PCSK5: variants seen among roughly 807,000 people sequenced by gnomAD.
The protein encoded by PCSK5 is proprotein convertase subtilisin/kexin type 5.
PCSK5 carries 129 observed loss-of-function variants against 233.2 expected under a neutral mutation model. The observed-to-expected ratio is 0.55, with a 90% CI of 0.48 to 0.64. The LOEUF (loss-of-function observed/expected upper bound fraction) is 0.64, where lower values mean the gene tolerates loss of function less well. PCSK5 is among the 30% of genes least tolerant of loss of function. The pLI is 0.00. For synonymous variants in PCSK5, 825 were observed against 879.2 expected (o/e 0.94, Z 1.09); for missense variants, 2,076 against 2,430.1 (o/e 0.85, Z 3.06).
intron 2 of PCSK5, among the ~76,000 whole-genome samples, chr9:75,964,627 G>A (rs529226194): frequency 6.7e-4 from 102 of 152,304 alleles, no homozygotes; most frequent in Middle Eastern, 3.4e-3. Flanking sequence ...ATGGTTACTA[G>A]GTGTGTGCAT....
intron 10 of PCSK5, among the ~76,000 whole-genome samples, chr9:76,155,082 A>C (rs1370780256): frequency 6.6e-6 from 1 of 152,228 alleles, no homozygotes; most frequent in African/African-American, 2.4e-5. Flanking sequence ...TAAAAATTGC[A>C]GAAGTACCTG....
chr9:75,925,622 C>G (rs1331547987), intron 1 of PCSK5, among the ~76,000 whole-genome samples: 1 of 152,124 alleles, frequency 6.6e-6, no homozygotes, highest in Non-Finnish European at 1.5e-5. Context: ...AGAAAGCCTC[C>G]CTAAGAAGGT....
chr9:75,924,891 G>A (rs893379290), intron 1 of PCSK5, among the ~76,000 whole-genome samples: 17 of 152,092 alleles, frequency 1.1e-4, no homozygotes, highest in Non-Finnish European at 2.9e-5. Context: ...TCCTTTAACT[G>A]TGTGGCCCCG....
intron 10 of PCSK5, among the ~76,000 whole-genome samples, chr9:76,150,033 T>C (rs1314404935): frequency 6.6e-6 from 1 of 152,204 alleles, no homozygotes; most frequent in African/African-American, 2.4e-5. Context: ...ATAAATTGTG[T>C]GTGTATATAT....
intron 32 of PCSK5, among the ~76,000 whole-genome samples, chr9:76,325,847 G>C (rs993004687): frequency 6.6e-6 from 1 of 152,150 alleles, no homozygotes; most frequent in African/African-American, 2.4e-5. Flanking sequence ...ATATTGGTCA[G>C]GGTGGTCTCG....
intron 5 of PCSK5, among the ~76,000 whole-genome samples, chr9:76,027,438 G>T (rs1022476199): frequency 1.3e-5 from 2 of 151,992 alleles, no homozygotes; most frequent in Non-Finnish European, 2.9e-5. Context: ...GTCCCTACCT[G>T]AGCATTTCTT....
chr9:76,297,813 C>A (rs1828489169), intron 27 of PCSK5, among the ~76,000 whole-genome samples: 1 of 152,104 alleles, frequency 6.6e-6, no homozygotes, highest in African/African-American at 2.4e-5. Context: ...GAGGGAGTGA[C>A]AGCTCTGTGG....
At chr9:76,133,466 G>A (rs12351790) in intron 9 of PCSK5, among the ~76,000 whole-genome samples, 14,820 of 151,960 alleles carry the variant, frequency 0.098, 1,183 homozygotes, top group African/African-American at 0.22. Flanking sequence ...TAAGAACTAG[G>A]TGTCTAATAA....
intron 24 of PCSK5, among the ~76,000 whole-genome samples, chr9:76,263,009 C>T (rs978685880): frequency 3.3e-5 from 5 of 151,856 alleles, no homozygotes; most frequent in African/African-American, 7.3e-5. Context: ...TTTATGCCAC[C>T]AAAAAACACA....
At chr9:76,343,983 C>A (rs1010247748) in intron 35 of PCSK5, among the ~76,000 whole-genome samples, 2 of 151,996 alleles carry the variant, frequency 1.3e-5, no homozygotes, top group African/African-American at 4.8e-5. Context: ...TCATACACTT[C>A]ATTTATCCAA....
intron 2 of PCSK5, among the ~76,000 whole-genome samples, chr9:75,962,954 A>G (rs1338623306): frequency 1.3e-5 from 2 of 152,158 alleles, no homozygotes; most frequent in African/African-American, 4.8e-5. Context: ...TGCTTTGCCA[A>G]TCACTAGCTG....
At chr9:76,357,446 G>C (rs542621093) in intron 37 of PCSK5, among the ~76,000 whole-genome samples, 2 of 152,222 alleles carry the variant, frequency 1.3e-5, no homozygotes, top group African/African-American at 4.8e-5. Flanking sequence ...GAGCTTGGGA[G>C]ACAGAGGCTG....
intron 9 of PCSK5, among the ~76,000 whole-genome samples, chr9:76,117,471 C>T (rs536500116): frequency 2.6e-5 from 4 of 152,206 alleles, no homozygotes; most frequent in Admixed American, 1.3e-4. Context: ...AGCATTTTTG[C>T]TGCAACTGGA....
rs386415165 is a variant in PCSK5 at position 76,159,816 on chromosome 9, CTTTTTTT to C, written c.1619+662_1619+668del. Among the ~76,000 whole-genome samples the C allele has an allele frequency of 7.1e-4, 69 of 97,590 alleles. No homozygotes were observed. In the Middle Eastern group the frequency reaches 0.02, roughly 28 times the overall value. 64.0% of individuals were successfully genotyped at this position (97,590 alleles called of 152,430 possible). On this transcript the variant is annotated intron_variant, in intron 12 of 37. Transcript: ENST00000674117. ...TGTTTTTAAGGTTGCCTCTTCAGTC[CTTTTTTT>C]TTTTTTTTTTTTTTTTGAGAGACGG... is the stretch of plus-strand genomic sequence containing the variant.
At chr9:76,003,191 T>C (rs1344506129) in intron 3 of PCSK5, among the ~76,000 whole-genome samples, 6 of 152,128 alleles carry the variant, frequency 3.9e-5, no homozygotes, top group Admixed American at 2.0e-4. Context: ...CAGGCATCCT[T>C]ATCACGTGTG....
intron 3 of PCSK5, among the ~76,000 whole-genome samples, chr9:76,015,563 C>T (rs1384099912): frequency 1.3e-5 from 2 of 152,078 alleles, no homozygotes; most frequent in Non-Finnish European, 1.5e-5. Flanking sequence ...ACATATATAA[C>T]CAAAGATGAC....
In PCSK5 at chr9:76,207,594, C is replaced by A. The variant is rs1023367020; in HGVS notation, c.2626+17848C>A. 2.6e-5 allele frequency among the ~76,000 whole-genome samples: 4 copies of A among 152,274 alleles called. No homozygotes were observed. In the East Asian group the frequency reaches 5.8e-4, roughly 22 times the overall value. Reference sequence around the variant, plus strand: ...AAGGATATAATAGAATACATTTCCTCCCTTTACAGATTTTATACTGTAATA... The same window carrying A: ...AAGGATATAATAGAATACATTTCCTACCTTTACAGATTTTATACTGTAATA... On this transcript the variant is annotated intron_variant, in intron 20 of 37. Coordinates refer to ENST00000674117, the MANE Select transcript of PCSK5 (RefSeq NM_001372043.1).
chr9:76,157,462 C>A (rs1822638932), intron 11 of PCSK5, among the ~76,000 whole-genome samples: 1 of 149,254 alleles, frequency 6.7e-6, no homozygotes, highest in South Asian at 2.1e-4. Context: ...AAGTATTCTC[C>A]AGAAGTCAGT....
At chr9:76,191,239 TCTGA>T (rs1282203826) in intron 20 of PCSK5, among the ~76,000 whole-genome samples, 1 of 152,170 alleles carries the variant, frequency 6.6e-6, no homozygotes, top group African/African-American at 2.4e-5. Flanking sequence ...GTTGGAACAA[TCTGA>T]CTGACATGAT....
Sources: allele counts gnomAD v4.1 joint callset (sites outside exome capture counted in the v4.1 genomes callset), GRCh38; gene constraint gnomAD v4.1.1; transcripts MANE v1.5; gene names NCBI Gene and HGNC (gene_info 2026-07-23, HGNC 2026-07-21).